CALCOCO1: variants seen among roughly 807,000 people sequenced by gnomAD.
CALCOCO1 encodes calcium-binding and coiled-coil domain-containing protein 1.
A neutral mutation model predicts 86.3 loss-of-function variants in CALCOCO1; 44 were observed. The observed-to-expected ratio is 0.51, with a 90% CI of 0.40 to 0.66. CALCOCO1 has a LOEUF of 0.66. Among genes scored for constraint, CALCOCO1 ranks in the 30% least tolerant of loss-of-function variants. The pLI is 0.00. For missense variants in CALCOCO1, 708 were observed against 851.1 expected (o/e 0.83, Z 2.09); for synonymous variants, 297 against 327.6 (o/e 0.91, Z 1.01).
intron 11 of CALCOCO1, 114 bp downstream of exon 11, chr12:53,714,484 G>C (rs541148352): frequency 7.6e-6 from 6 of 788,706 alleles, no homozygotes; most frequent in South Asian, 3.2e-5. Flanking sequence ...GCCAGGGTAC[G>C]GGCCCTCTTG....
rs749999982 is a variant in CALCOCO1, at chr12:53,716,059, G to T, written c.1006-12C>A. On this transcript the variant is annotated splice_polypyrimidine_tract_variant and intron_variant, in intron 8 of 14. Transcript: ENST00000550804. ...GGCTCCAGCTCGGCCTCAGGAGAAAGGAGGAGATGGAGATCAGAGTTCCTA... is the reference window on the plus strand; with the variant it reads ...GGCTCCAGCTCGGCCTCAGGAGAAATGAGGAGATGGAGATCAGAGTTCCTA... 1 of 1,610,106 alleles carries T rather than the reference G, an allele frequency of 6.2e-7. No homozygotes were observed. Among genetic ancestry groups the T allele is most frequent in the East Asian group, 2.2e-5 (1 of 44,876 alleles).
intron 14 of CALCOCO1, chr12:53,712,841 A>T (rs949788328): frequency 1.4e-6 from 2 of 1,448,832 alleles, no homozygotes; most frequent in African/African-American, 2.8e-5. Context: ...TCTGCAGAAG[A>T]TGGTGCTAGA....
chr12:53,718,840 CTTTTTTTT>C (rs35114054), intron 7 of CALCOCO1, among the ~76,000 whole-genome samples: 3 of 75,636 alleles, frequency 4.0e-5, no homozygotes, highest in African/African-American at 5.6e-5. Flanking sequence ...ATGGCCCTCC[CTTTTTTTT>C]TTTTTTTTTT....
At chr12:53,713,065 C>G (rs1298016014) in intron 14 of CALCOCO1, 35 bp downstream of exon 14, 2 of 1,577,798 alleles carry the variant, frequency 1.3e-6, no homozygotes, top group Non-Finnish European at 1.7e-6. Context: ...CTGACCTCCT[C>G]CCACCTCCCT....
chr12:53,712,916 C>T (rs1326403401), intron 14 of CALCOCO1, 184 bp downstream of exon 14: 6 of 1,368,954 alleles, frequency 4.4e-6, no homozygotes, highest in African/African-American at 2.9e-5. Flanking sequence ...GTAGGGATTA[C>T]CTGAAGGCAT....
chr12:53,717,678 T>C (rs937336655), intron 7 of CALCOCO1, among the ~76,000 whole-genome samples: 2 of 152,232 alleles, frequency 1.3e-5, no homozygotes, highest in Non-Finnish European at 2.9e-5. Flanking sequence ...GTTCTGCAGA[T>C]ACTTGATTTG....
At chr12:53,712,383 C>T in intron 14 of CALCOCO1, 1 of 412,304 alleles carries the variant, frequency 2.4e-6, no homozygotes. Context: ...CTCCTCCCTC[C>T]ATCTCCGTCT....
chr12:53,713,605 G>T, intron 13 of CALCOCO1, 96 bp downstream of exon 13: 2 of 1,140,196 alleles, frequency 1.8e-6, no homozygotes, highest in Non-Finnish European at 2.5e-6. Flanking sequence ...GGCAGAGGCT[G>T]CAGTGAGCCA....
Position 53,711,832 on chromosome 12 carries a change from G to GA in CALCOCO1, c.*111dup. 6.4e-6 allele frequency: 6 copies of GA among 931,678 alleles called. No individual in the cohort carries two copies. In the South Asian group the frequency reaches 1.3e-4, roughly 20 times the overall value. The allele number at this position is 931,678 out of a possible 1,614,324, so 57.7% of individuals were successfully genotyped here. ...ACACAGAAGCAGTTCTTAGGGAACA[G>GA]AATATCATGGAGCCCAGTGTGATAG... On this transcript the variant is annotated 3_prime_UTR_variant, in exon 15 of 15. Transcript: ENST00000550804.
In CALCOCO1 at chr12:53,709,393, G is replaced by A. The variant is rs1307342021; in HGVS notation, c.*2551C>T. The A allele has an allele frequency of 1.3e-5, 2 of 152,226 alleles. No homozygotes were observed. The highest frequency in any genetic ancestry group is 4.8e-5 in the African/African-American group (2 of 41,426). The allele number at this position is 152,226 out of a possible 1,614,324, so 9.4% of individuals were successfully genotyped here. A position where few individuals can be genotyped will look rare whatever the true frequency, so the allele number is the denominator to read the frequency against. The stretch of plus-strand genomic sequence containing the variant: ...ACTGGGATAGGCAAACCATGAGTAA[G>A]GAAGAGAAATGGCCCCACATTTTGT... On this transcript the variant is annotated 3_prime_UTR_variant, in exon 15 of 15. Coordinates refer to ENST00000550804, the MANE Select transcript of CALCOCO1 (RefSeq NM_020898.3).
chr12:53,719,914 TG>T (rs3832828), intron 6 of CALCOCO1, 85 bp from the exon 7 acceptor site: 44,340 of 872,262 alleles, frequency 0.051, 3,353 homozygotes, highest in East Asian at 0.3. Flanking sequence ...GCTCTGCTGC[TG>T]CTGCTCTAGG....
Position 53,715,289 on chromosome 12 carries a change from T to C in CALCOCO1, c.1297A>G (p.Ile433Val). 6.2e-7 allele frequency: 1 copy of C among 1,614,154 alleles called. No homozygotes were observed. The highest frequency in any genetic ancestry group is 8.5e-7 in the Non-Finnish European group (1 of 1,180,026). Residue 433 changes from isoleucine (I) to valine (V), a missense_variant, in exon 10 of 15, where the codon ATA becomes GTA. Transcript: ENST00000550804. ...TGAACTGCCTTCTCCAATCGAAGTA[T>C]CTCTGCACTCAGCTTCAGGATCTTG... ...KDKILKLSAE[I>V]LRLEKAVQEE...
intron 1 of CALCOCO1, among the ~76,000 whole-genome samples, chr12:53,726,494 A>C (rs537406226): frequency 6.6e-6 from 1 of 152,286 alleles, no homozygotes; most frequent in South Asian, 2.1e-4. Flanking sequence ...ACTCCTTTCC[A>C]GCCCACTAAT....
At chr12:53,721,401 G>A (rs78002615) in intron 6 of CALCOCO1, 66 bp downstream of exon 6, 29 of 1,426,188 alleles carry the variant, frequency 2.0e-5, no homozygotes, top group Non-Finnish European at 2.6e-5. Flanking sequence ...TTGCCTGAGA[G>A]AGGGGGCTGG....
At chr12:53,716,943 C>T (rs1191794952) in intron 7 of CALCOCO1, among the ~76,000 whole-genome samples, 1 of 152,214 alleles carries the variant, frequency 6.6e-6, no homozygotes, top group Non-Finnish European at 1.5e-5. Context: ...ACCACAACCA[C>T]GTTATCTCAG....
At chr12:53,725,834 C>T (rs1275631926) in intron 1 of CALCOCO1, 1 of 152,236 alleles carries the variant, frequency 6.6e-6, no homozygotes, top group East Asian at 1.9e-4. Context: ...AATCCTTAGG[C>T]TCCTGAGCTC....
chr12:53,717,798 C>A (rs1026335480), intron 7 of CALCOCO1, among the ~76,000 whole-genome samples: 1 of 152,122 alleles, frequency 6.6e-6, no homozygotes, highest in Non-Finnish European at 1.5e-5. Context: ...CCGAGGTGGG[C>A]GGATCACCTG....
chr12:53,715,710 C>T (rs1945706121), intron 9 of CALCOCO1, 83 bp downstream of exon 9: 3 of 1,547,222 alleles, frequency 1.9e-6, no homozygotes, highest in Non-Finnish European at 2.6e-6. Context: ...TCTCTCCTCC[C>T]AGAGGGTCTG....
intron 12 of CALCOCO1, 106 bp downstream of exon 12, chr12:53,714,027 A>G: frequency 7.6e-7 from 1 of 1,314,130 alleles, no homozygotes; most frequent in South Asian, 1.2e-5. Flanking sequence ...GAAAAGGCAA[A>G]ACACATAGAA....
Sources: allele counts gnomAD v4.1 joint callset (sites outside exome capture counted in the v4.1 genomes callset), GRCh38; gene constraint gnomAD v4.1.1; transcripts MANE v1.5; gene names NCBI Gene and HGNC (gene_info 2026-07-23, HGNC 2026-07-21).